Variants in MGAT5B observed in about 807,000 individuals in gnomAD.
The protein encoded by MGAT5B is N-acetylglucosaminyl-transferase Vb.
MGAT5B carries 54 observed loss-of-function variants against 95.1 expected under a neutral mutation model. That is an observed-to-expected ratio of 0.57 (90% CI 0.46 to 0.71). The LOEUF (loss-of-function observed/expected upper bound fraction) is 0.71. Among genes scored for constraint, MGAT5B ranks in the 30% least tolerant of loss-of-function variants. The pLI, the probability that MGAT5B is intolerant of heterozygous loss-of-function variation, is 0.00. For synonymous variants in MGAT5B, 464 were observed against 451.0 expected, an observed-to-expected ratio of 1.03 and a Z score of -0.36; for missense variants, 935 against 1,088.6, an observed-to-expected ratio of 0.86 and a Z score of 1.99.
At chr17:76,899,118 G>A (rs594836) in intron 3 of MGAT5B, among the ~76,000 whole-genome samples, 26,882 of 152,198 alleles carry the variant, frequency 0.18, 2,738 homozygotes, top group Admixed American at 0.26. Flanking sequence ...GGGCTGAAAC[G>A]GGTTGAGGTC....
In MGAT5B at chr17:76,897,695, TTC is replaced by T. The variant is rs1567800201; in HGVS notation, c.330-4858_330-4857del. 6.5e-4 allele frequency among the ~76,000 whole-genome samples: 74 copies of T among 113,014 alleles called. 1 individual carries two copies. The highest frequency in any genetic ancestry group is 2.9e-3 in the African/African-American group (64 of 22,140). 74.1% of individuals were successfully genotyped at this position (113,014 alleles called of 152,430 possible). On this transcript the variant is annotated intron_variant, in intron 3 of 17. Transcript: ENST00000569840. ...TTTCTTTCTTTCTTTCTTTCTTTCT[TTC>T]TTTCTTTCTTTCTTTCTTTCTTTCT...
At chr17:76,935,792 ATATATATAT>A (rs1408431590) in intron 12 of MGAT5B, among the ~76,000 whole-genome samples, 4 of 143,134 alleles carry the variant, frequency 2.8e-5, no homozygotes, top group African/African-American at 1.0e-4. Context: ...CTTTTTAAAC[ATATATATAT>A]TATATATATT....
intron 1 of MGAT5B, 65 bp from the exon 2 acceptor site, chr17:76,872,786 G>T: frequency 6.2e-7 from 1 of 1,613,796 alleles, no homozygotes; most frequent in Non-Finnish European, 8.5e-7. Flanking sequence ...CAGCCGGTAC[G>T]TGGTGGAGCG....
intron 3 of MGAT5B, among the ~76,000 whole-genome samples, chr17:76,882,702 C>T (rs62086919): frequency 9.2e-6 from 1 of 108,460 alleles, no homozygotes; most frequent in African/African-American, 6.4e-5. Context: ...TATTCCACTG[C>T]CCCTTTTTTT....
At chr17:76,909,023 T>A (rs926813550) in intron 8 of MGAT5B, among the ~76,000 whole-genome samples, 1 of 152,148 alleles carries the variant, frequency 6.6e-6, no homozygotes, top group Non-Finnish European at 1.5e-5. Flanking sequence ...GTCATGCTGG[T>A]CTCGAACTCC....
rs528006024 is a variant in MGAT5B, at chr17:76,916,538, G to A, written c.1026-8428G>A. Among the ~76,000 whole-genome samples, 26 of 152,282 alleles carry A rather than the reference G, an allele frequency of 1.7e-4. No individual in the cohort carries two copies. The highest frequency in any genetic ancestry group is 3.4e-3 in the Middle Eastern group (1 of 294). On this transcript the variant is annotated intron_variant, in intron 8 of 17. Coordinates refer to ENST00000569840, the MANE Select transcript of MGAT5B (RefSeq NM_001199172.2). The surrounding 1 kb of genome is among the most constrained non-coding windows in gnomAD (Gnocchi z 5.3). Reference sequence around the variant, plus strand: ...CAGACCAGGCCCTCGGCTCATACCCGTAACCCCAGCACTTTGGGAGGCTGG... The same window carrying A: ...CAGACCAGGCCCTCGGCTCATACCCATAACCCCAGCACTTTGGGAGGCTGG...
rs539513825 is a variant in MGAT5B, at chr17:76,869,540, C to G, written c.68+443C>G. Among the ~76,000 whole-genome samples the G allele has an allele frequency of 1.5e-4, 23 of 152,260 alleles. No individual in the cohort carries two copies. In the South Asian group the frequency reaches 3.7e-3, roughly 25 times the overall value. ...CCGTCCCGCCCGTCTGCCCCTAGGT[C>G]GGCTACCCCCCAACCCCTCCGCCTG... is the stretch of plus-strand genomic sequence containing the variant. On this transcript the variant is annotated intron_variant, in intron 1 of 17. Transcript: ENST00000569840. This position sits in a 1 kb window ranked among gnomAD's most constrained non-coding sequence, Gnocchi z 7.0.
intron 8 of MGAT5B, chr17:76,913,764 C>T (rs1299055178): frequency 2.1e-6 from 1 of 480,694 alleles, no homozygotes; most frequent in Non-Finnish European, 4.2e-6. Context: ...GCCAGCAACA[C>T]ATTGCTCATT....
intron 3 of MGAT5B, among the ~76,000 whole-genome samples, chr17:76,891,581 T>C (rs1967870936): frequency 6.6e-6 from 1 of 152,202 alleles, no homozygotes; most frequent in African/African-American, 2.4e-5. Flanking sequence ...GGTTTCACCA[T>C]GTTGCCCAGG....
At chr17:76,876,106 A>C (rs1881612532) in intron 2 of MGAT5B, among the ~76,000 whole-genome samples, 1 of 152,158 alleles carries the variant, frequency 6.6e-6, no homozygotes, top group Non-Finnish European at 1.5e-5. Flanking sequence ...GGCAGACCCA[A>C]GGCAGGGACT....
chr17:76,882,262 A>T lies in MGAT5B; in HGVS notation c.293A>T (p.His98Leu). The part of the protein sequence containing the change: ...LARLENSSEL[H>L]RAGGDLHFPA... ...AGGCTGGAGAACAGCAGTGAGCTGC[A>T]CCGGGCCGGCGGCGACCTGCACTTT... Residue 98 changes from histidine (H) to leucine (L), a missense_variant, in exon 3 of 18, where the codon CAC (histidine) becomes CTC (leucine). Physicochemically the swap from His to Leu is moderately conservative, Grantham distance 99 (BLOSUM62 -3). This residue lies in a region of MGAT5B where 243 missense variants were observed against 228.2 expected (regional missense o/e 1.06). Transcript: ENST00000569840. The T allele has an allele frequency of 6.2e-7, 1 of 1,613,254 alleles. No homozygotes were observed. The highest frequency in any genetic ancestry group is 8.5e-7 in the Non-Finnish European group (1 of 1,179,784).
intron 1 of MGAT5B, among the ~76,000 whole-genome samples, chr17:76,871,030 G>T (rs945799228): frequency 7.9e-5 from 12 of 152,108 alleles, no homozygotes; most frequent in African/African-American, 2.7e-4. Context: ...TGGGCTGAAG[G>T]GGGTAGACAC....
At chr17:76,896,885 A>G (rs1352233139) in intron 3 of MGAT5B, among the ~76,000 whole-genome samples, 2 of 152,104 alleles carry the variant, frequency 1.3e-5, no homozygotes, top group African/African-American at 4.8e-5. Flanking sequence ...GAACTTCTTG[A>G]CAGCAGGAGC....
At chr17:76,882,071 C>T (rs1967440749) in intron 2 of MGAT5B, 80 bp from the exon 3 acceptor site, 1 of 1,486,646 alleles carries the variant, frequency 6.7e-7, no homozygotes. Context: ...CCAGCTTTGT[C>T]TGAGCTGCCC....
At chr17:76,925,304 A>C in intron 9 of MGAT5B, among the ~76,000 whole-genome samples, 1 of 36,564 alleles carries the variant, frequency 2.7e-5, no homozygotes. Context: ...TTAATAAACC[A>C]CCCAGGGAGT....
At chr17:76,943,091 T>C (rs1166998793) in intron 15 of MGAT5B, among the ~76,000 whole-genome samples, 3 of 151,954 alleles carry the variant, frequency 2.0e-5, no homozygotes, top group Non-Finnish European at 2.9e-5. Flanking sequence ...ATGAAGGTGC[T>C]GCGATAGTCG....
chr17:76,882,367 C>T, intron 3 of MGAT5B, 69 bp downstream of exon 3: 2 of 1,510,990 alleles, frequency 1.3e-6, no homozygotes, highest in Non-Finnish European at 1.8e-6. Context: ...ATCCGGGGTG[C>T]TGTCCGTCAT....
chr17:76,939,385 G>A (rs930067422), intron 13 of MGAT5B, among the ~76,000 whole-genome samples: 17 of 151,870 alleles, frequency 1.1e-4, no homozygotes, highest in Non-Finnish European at 5.9e-5. Context: ...GTGGTGGCGG[G>A]CGCCTGTAGT....
rs1407446183 is a variant in MGAT5B at position 76,930,507 on chromosome 17, A to T, written c.1292-2138A>T. ...TAGCCCCTTCCGTGCGGGAAGGTAGATTAAATATCCTTGGACTCAATAAAC... is the reference window on the plus strand; with the variant it reads ...TAGCCCCTTCCGTGCGGGAAGGTAGTTTAAATATCCTTGGACTCAATAAAC... On this transcript the variant is annotated intron_variant, in intron 10 of 17. Coordinates refer to ENST00000569840, the MANE Select transcript of MGAT5B (RefSeq NM_001199172.2). The surrounding 1 kb of genome is among the most constrained non-coding windows in gnomAD (Gnocchi z 4.1). 6.6e-6 allele frequency among the ~76,000 whole-genome samples: 1 copy of T among 152,134 alleles called. No individual in the cohort carries two copies. Among genetic ancestry groups the T allele is most frequent in the Admixed American group, 6.5e-5 (1 of 15,274 alleles).
Sources: allele counts gnomAD v4.1 joint callset (sites outside exome capture counted in the v4.1 genomes callset), GRCh38; gene constraint gnomAD v4.1.1; regional missense constraint gnomAD v4.1.1; non-coding constraint Gnocchi (gnomAD v3.1); transcripts MANE v1.5; gene names NCBI Gene and HGNC (gene_info 2026-07-23, HGNC 2026-07-21).